SETDB1: variants seen among roughly 807,000 people sequenced by gnomAD.
The protein encoded by SETDB1 is SET domain bifurcated histone lysine methyltransferase 1.
Under a neutral mutation model 137.4 loss-of-function variants are expected in SETDB1, and 31 were observed. That is an observed-to-expected ratio of 0.23 (90% CI 0.17 to 0.30). SETDB1 has a LOEUF of 0.30. Among genes scored for constraint, SETDB1 ranks in the 10% least tolerant of loss-of-function variants. SETDB1 has a pLI of 1.00. For missense variants in SETDB1, 1,113 were observed against 1,631.5 expected (o/e 0.68, Z 5.47); for synonymous variants, 548 against 579.9 (o/e 0.95, Z 0.79).
At position 150,949,453 on chromosome 1, in the gene SETDB1, A is replaced by G; in HGVS notation, c.1511A>G (p.His504Arg). 3 of 1,614,128 alleles carry G rather than the reference A, an allele frequency of 1.9e-6. No homozygotes were observed. Among genetic ancestry groups the G allele is most frequent in the Non-Finnish European group, 2.5e-6 (3 of 1,179,990 alleles). Residue 504 changes from histidine (H) to arginine (R), a missense_variant, in exon 12 of 22, where the codon CAT becomes CGT. This residue lies in a region of SETDB1 where 192 missense variants were observed against 198.1 expected (regional missense o/e 0.97). Transcript: ENST00000692827. ...SFRPGSVGSG[H>R]SSPTSPALSE... is the part of the protein sequence containing the mutation. Reference sequence around the variant, plus strand: ...CGACCAGGATCTGTGGGCTCTGGTCATTCCTCCCCTACATCTCCTGCACTC... The same window carrying G: ...CGACCAGGATCTGTGGGCTCTGGTCGTTCCTCCCCTACATCTCCTGCACTC...
rs1670937482 is a variant in SETDB1 at position 150,964,701 on chromosome 1, A to T, written c.*337A>T. 1 of 585,304 alleles carries T rather than the reference A, an allele frequency of 1.7e-6. No homozygotes were observed. Among genetic ancestry groups the T allele is most frequent in the African/African-American group, 1.9e-5 (1 of 53,564 alleles). The allele number at this position is 585,304 out of a possible 1,614,324, so 36.3% of individuals were successfully genotyped here. The stretch of plus-strand genomic sequence containing the variant: ...GTATCTACTATCTCCAGTTTGTATT[A>T]TTTCTTGAAAGTCTTTTAACAATAT... On this transcript the variant is annotated 3_prime_UTR_variant, in exon 22 of 22. Coordinates refer to ENST00000692827, the MANE Select transcript of SETDB1 (RefSeq NM_001366418.1).
At chr1:150,960,477 GAAAA>G (rs374284707) in intron 15 of SETDB1, 82 bp from the exon 16 acceptor site, 990 of 749,160 alleles carry the variant, frequency 1.3e-3, no homozygotes, top group East Asian at 1.9e-3. Context: ...ACTCCATCTG[GAAAA>G]AAAAAAAAAA....
In SETDB1 at chr1:150,964,037, G is replaced by A. The variant is rs772297427; in HGVS notation, c.3715G>A (p.Asp1239Asn). The change falls in exon 21 of 22, where the codon GAT (aspartate) becomes AAT (asparagine). Residue 1239 changes from aspartate to asparagine, a missense_variant. Coordinates refer to ENST00000692827, the MANE Select transcript of SETDB1 (RefSeq NM_001366418.1). ...CCTGTTTGTCCAGAATGTCTTCGTGGATACCCATGATCTTCGCTTCCCCTG... is the reference window on the plus strand; with the variant it reads ...CCTGTTTGTCCAGAATGTCTTCGTGAATACCCATGATCTTCGCTTCCCCTG... ...PNLFVQNVFV[D>N]THDLRFPWVA... is the part of the protein sequence containing the mutation. The A allele has an allele frequency of 6.2e-7, 1 of 1,614,104 alleles. No homozygotes were observed. The highest frequency in any genetic ancestry group is 8.5e-7 in the Non-Finnish European group (1 of 1,180,012).
rs775349296 is a variant in SETDB1, at chr1:150,945,012, C to G, written c.1044C>G (p.Leu348=). 1.2e-6 allele frequency: 2 copies of G among 1,614,108 alleles called. No homozygotes were observed. The highest frequency in any genetic ancestry group is 1.7e-6 in the Non-Finnish European group (2 of 1,180,034). ...ACCCCAACCGCCCCATGGTACTGCT[C>G]AAGAGTGGCCAGCTTATCAAGACTG... is the stretch of plus-strand genomic sequence containing the variant. ...TAYPNRPMVL[L]KSGQLIKTEW... The change falls in exon 9 of 22, where the codon CTC becomes CTG. Residue 348 remains leucine (L), a synonymous_variant. Coordinates refer to ENST00000692827, the MANE Select transcript of SETDB1 (RefSeq NM_001366418.1).
intron 14 of SETDB1, among the ~76,000 whole-genome samples, chr1:150,958,835 G>C (rs922361179): frequency 3.3e-5 from 5 of 152,014 alleles, no homozygotes; most frequent in Non-Finnish European, 7.4e-5. Flanking sequence ...CGTCCATATA[G>C]TGCTTATTTT....
chr1:150,949,314 C>G, intron 11 of SETDB1, 36 bp downstream of exon 11: 1 of 1,612,238 alleles, frequency 6.2e-7, no homozygotes, highest in Non-Finnish European at 8.5e-7. Flanking sequence ...CAGTTTCTTT[C>G]ATATTATATT....
At chr1:150,959,814 G>A (rs1006569477) in intron 15 of SETDB1, among the ~76,000 whole-genome samples, 1 of 152,206 alleles carries the variant, frequency 6.6e-6, no homozygotes, top group African/African-American at 2.4e-5. Context: ...GCTCATGCCT[G>A]TAATCCCAAA....
chr1:150,956,359 C>T (rs1670642375), intron 14 of SETDB1, among the ~76,000 whole-genome samples: 1 of 149,062 alleles, frequency 6.7e-6, no homozygotes, highest in African/African-American at 2.5e-5. Flanking sequence ...GCACTCCGGC[C>T]TAGGCAATAG....
chr1:150,962,265 C>T (rs1670846212), intron 17 of SETDB1, 107 bp downstream of exon 17: 1 of 998,056 alleles, frequency 1.0e-6, no homozygotes, highest in Admixed American at 1.7e-5. Flanking sequence ...CCCTCCCAGG[C>T]TCAAGAGATT....
chr1:150,960,600 T>A lies in SETDB1; in HGVS notation c.2541T>A (p.Gly847=). 1 of 1,612,202 alleles carries A rather than the reference T, an allele frequency of 6.2e-7. No individual in the cohort carries two copies. Among genetic ancestry groups the A allele is most frequent in the Non-Finnish European group, 8.5e-7 (1 of 1,179,682 alleles). ...CAGATGACTTTGCAGACAAGGAGGGTCTGGAAATGGGTGATGAGTACTTTG... is the reference window on the plus strand; with the variant it reads ...CAGATGACTTTGCAGACAAGGAGGGACTGGAAATGGGTGATGAGTACTTTG... ...ILTDDFADKE[G]LEMGDEYFAN... The change falls in exon 16 of 22, where the codon GGT becomes GGA. Residue 847 remains glycine, a synonymous_variant. Transcript: ENST00000692827.
chr1:150,928,918 A>G (rs587745188), intron 2 of SETDB1, among the ~76,000 whole-genome samples: 4 of 152,324 alleles, frequency 2.6e-5, no homozygotes, highest in Non-Finnish European at 5.9e-5. Context: ...TACAAAGGAC[A>G]TGAACTCATC....
At chr1:150,951,143 T>A in intron 13 of SETDB1, 53 bp downstream of exon 13, 1 of 1,543,610 alleles carries the variant, frequency 6.5e-7, no homozygotes, top group Non-Finnish European at 8.8e-7. Context: ...TTATGGTGTC[T>A]GTTTCACCTC....
intron 10 of SETDB1, among the ~76,000 whole-genome samples, chr1:150,948,422 T>C (rs1017423272): frequency 5.3e-5 from 8 of 151,806 alleles, no homozygotes; most frequent in African/African-American, 1.9e-4. Context: ...AGGCGACTGC[T>C]ACCATGCCAG....
chr1:150,949,647 TGAAAAG>T (rs1162462607), intron 12 of SETDB1, 122 bp downstream of exon 12: 2 of 787,944 alleles, frequency 2.5e-6, no homozygotes, highest in East Asian at 2.6e-5. Flanking sequence ...AGTTTGGACT[TGAAAAG>T]GAAGCTTTAC....
chr1:150,951,550 A>G, intron 14 of SETDB1, 69 bp downstream of exon 14: 2 of 820,896 alleles, frequency 2.4e-6, no homozygotes, highest in South Asian at 3.4e-5. Flanking sequence ...TTCTGTGCTT[A>G]TAGAAATCAT....
chr1:150,946,838 T>C (rs1470848748), intron 9 of SETDB1, 48 bp from the exon 10 acceptor site: 2 of 1,610,450 alleles, frequency 1.2e-6, no homozygotes, highest in Non-Finnish European at 1.7e-6. Flanking sequence ...CAGGATAGAT[T>C]CTAGCCTTTA....
chr1:150,936,960 A>G (rs956637948), intron 3 of SETDB1, among the ~76,000 whole-genome samples: 1 of 152,180 alleles, frequency 6.6e-6, no homozygotes, highest in African/African-American at 2.4e-5. Flanking sequence ...TCCCATCTCT[A>G]CTAAAAATAC....
Position 150,963,565 on chromosome 1 carries a change from C to T in SETDB1, c.3496C>T (p.Arg1166Ter), listed in dbSNP as rs771949914. Residue 1166 changes from arginine to a stop codon, truncating the protein, a stop_gained, in exon 20 of 22, where the codon CGA becomes TGA. Transcript: ENST00000692827. LOFTEE classifies it high-confidence loss of function. Reference sequence around the variant, plus strand: ...GCGTCAAGTGGCAGTAAAATCAACCCGAGGCTTTGCTCTTAAATCAACCCA... The same window carrying T: ...GCGTCAAGTGGCAGTAAAATCAACCTGAGGCTTTGCTCTTAAATCAACCCA... ...MKRQVAVKST[R>*]GFALKSTHGI... The T allele has an allele frequency of 1.2e-6, 2 of 1,613,886 alleles. No individual in the cohort carries two copies. The highest frequency in any genetic ancestry group is 1.7e-6 in the Non-Finnish European group (2 of 1,179,876).
rs1257111572 is a variant in SETDB1, at chr1:150,964,708, G to T, written c.*344G>T. 3.4e-6 allele frequency: 2 copies of T among 584,192 alleles called. No individual in the cohort carries two copies. Among genetic ancestry groups the T allele is most frequent in the African/African-American group, 1.9e-5 (1 of 53,600 alleles). 36.2% of individuals were successfully genotyped at this position (584,192 alleles called of 1,614,324 possible). Reference sequence around the variant, plus strand: ...CTATCTCCAGTTTGTATTATTTCTTGAAAGTCTTTTAACAATATGATAAAA... The same window carrying T: ...CTATCTCCAGTTTGTATTATTTCTTTAAAGTCTTTTAACAATATGATAAAA... On this transcript the variant is annotated 3_prime_UTR_variant, in exon 22 of 22. Coordinates refer to ENST00000692827, the MANE Select transcript of SETDB1 (RefSeq NM_001366418.1).
Sources: allele counts gnomAD v4.1 joint callset (sites outside exome capture counted in the v4.1 genomes callset), GRCh38; gene constraint gnomAD v4.1.1; regional missense constraint gnomAD v4.1.1; transcripts MANE v1.5; gene names NCBI Gene and HGNC (gene_info 2026-07-23, HGNC 2026-07-21).